CPB2: variants seen among roughly 807,000 people sequenced by gnomAD.
The protein encoded by CPB2 is carboxypeptidase B2.
CPB2 carries 54 observed loss-of-function variants against 57.0 expected under a neutral mutation model. The observed-to-expected ratio is 0.95, with a 90% CI of 0.76 to 1.19. The LOEUF is 1.19. CPB2 is among the 50% of genes most tolerant of loss of function. CPB2 has a pLI of 0.00. For synonymous variants in CPB2, 189 were observed against 178.1 expected, an observed-to-expected ratio of 1.06 and a Z score of -0.49; for missense variants, 426 against 512.0, an observed-to-expected ratio of 0.83 and a Z score of 1.62.
rs1593911361 is a variant in CPB2 at position 46,087,686 on chromosome 13, C to G, written c.150+59G>C. On this transcript the variant is annotated intron_variant, in intron 2 of 10. Coordinates refer to ENST00000181383, the MANE Select transcript of CPB2 (RefSeq NM_001872.5). ...GCCAGACAACATACAGGAGGAAACTCAACACCCAGTGCTTATACAAAGTGA... is the reference window on the plus strand; with the variant it reads ...GCCAGACAACATACAGGAGGAAACTGAACACCCAGTGCTTATACAAAGTGA... 4 of 1,162,708 alleles carry G rather than the reference C, an allele frequency of 3.4e-6. No individual in the cohort carries two copies. The East Asian group carries it at 7.0e-5, about 20-fold the overall frequency. 72.0% of individuals were successfully genotyped at this position (1,162,708 alleles called of 1,614,324 possible).
chr13:46,078,821 C>G lies in CPB2; in HGVS notation c.465G>C (p.Lys155Asn), dbSNP rs1200607683. 1.9e-6 allele frequency: 3 copies of G among 1,608,538 alleles called. No homozygotes were observed. The East Asian group carries it at 6.7e-5, about 36-fold the overall frequency. ...TKIHIGSSFE[K>N]YPLYVLKVSG... Reference sequence around the variant, plus strand: ...ATACCTTTAAAACATAGAGTGGGTACTTCTCAAATGAGGATCCAATGTGGA... The same window carrying G: ...ATACCTTTAAAACATAGAGTGGGTAGTTCTCAAATGAGGATCCAATGTGGA... The change falls in exon 5 of 11, where the codon AAG (lysine) becomes AAC (asparagine). Residue 155 changes from lysine to asparagine, a missense_variant. Lys to Asn is a moderately conservative substitution (Grantham distance 94). Coordinates refer to ENST00000181383, the MANE Select transcript of CPB2 (RefSeq NM_001872.5).
chr13:46,104,509 C>T (rs565201856), intron 1 of CPB2, among the ~76,000 whole-genome samples: 1 of 152,166 alleles, frequency 6.6e-6, no homozygotes, highest in Non-Finnish European at 1.5e-5. Flanking sequence ...TGATCCAAAC[C>T]TCCTATTTAA....
At chr13:46,082,678 A>G (rs770318239) in intron 3 of CPB2, 129 bp from the exon 4 acceptor site, 28 of 556,886 alleles carry the variant, frequency 5.0e-5, no homozygotes, top group Non-Finnish European at 9.1e-5. Context: ...GCATTTCATC[A>G]AGGTAAAAGT....
intron 1 of CPB2, chr13:46,100,383 C>G (rs925310272): frequency 3.3e-5 from 5 of 152,132 alleles, no homozygotes; most frequent in African/African-American, 1.2e-4. Flanking sequence ...AGTCAGATCA[C>G]TCTATTTTTG....
intron 10 of CPB2, among the ~76,000 whole-genome samples, chr13:46,054,862 T>TTTTTTTTTTTTTTTTTTTTGAGACG (rs2044675207): frequency 6.6e-6 from 1 of 150,808 alleles, no homozygotes; most frequent in Admixed American, 6.6e-5. Context: ...GTAATTCTTA[T>TTTTTTTTTTTTTTTTTTTTGAGACG]GCATTAGCCA....
At chr13:46,085,831 C>T (rs1249158711) in intron 2 of CPB2, among the ~76,000 whole-genome samples, 2 of 152,190 alleles carry the variant, frequency 1.3e-5, no homozygotes, top group Admixed American at 1.3e-4. Context: ...TGGTCAGTGG[C>T]GCCTTTGCCT....
chr13:46,086,682 A>G (rs2045211402), intron 2 of CPB2, among the ~76,000 whole-genome samples: 1 of 152,032 alleles, frequency 6.6e-6, no homozygotes, highest in Admixed American at 6.5e-5. Flanking sequence ...TTCACCAGGG[A>G]CCCGCCCTTT....
chr13:46,093,660 G>T (rs1165084788), intron 1 of CPB2, among the ~76,000 whole-genome samples: 1 of 152,062 alleles, frequency 6.6e-6, no homozygotes, highest in Non-Finnish European at 1.5e-5. Context: ...GAAAGATAAA[G>T]AAAAATTATA....
rs1341103329 is a variant in CPB2 at position 46,053,401 on chromosome 13, C to T, written c.*213G>A. The T allele has an allele frequency of 1.6e-6, 1 of 620,256 alleles. No homozygotes were observed. Among genetic ancestry groups the T allele is most frequent in the Non-Finnish European group, 2.4e-6 (1 of 420,886 alleles). The allele number at this position is 620,256 out of a possible 1,614,324, so 38.4% of individuals were successfully genotyped here. ...ATCAAAGAAAAAGTAGGTAACTAGA[C>T]TTTTACAATTTTTTTTAAAGGGTAA... On this transcript the variant is annotated 3_prime_UTR_variant, in exon 11 of 11. Transcript: ENST00000181383.
chr13:46,064,737 C>G lies in CPB2; in HGVS notation c.707G>C (p.Arg236Pro). 6.2e-7 allele frequency: 1 copy of G among 1,613,616 alleles called. No individual in the cohort carries two copies. Among genetic ancestry groups the G allele is most frequent in the Non-Finnish European group, 8.5e-7 (1 of 1,179,596 alleles). ...GAAAGAACGGTTCTTTCTCCACATT[C>G]GATTCTACATAAACAAAATACAAAC... ...DGYDYSWKKN[R>P]MWRKNRSFYA... is the part of the protein sequence containing the mutation. The change falls in exon 8 of 11, where the codon CGA becomes CCA. Residue 236 changes from arginine to proline, a missense_variant. By Grantham distance (103) the Arg-to-Pro change is moderately radical (BLOSUM62 -2). Coordinates refer to ENST00000181383, the MANE Select transcript of CPB2 (RefSeq NM_001872.5).
intron 8 of CPB2, among the ~76,000 whole-genome samples, chr13:46,061,948 G>A (rs932979056): frequency 2.6e-5 from 4 of 151,382 alleles, no homozygotes; most frequent in Admixed American, 2.0e-4. Context: ...CTTTCTCACT[G>A]TCTTGCTTAC....
intron 1 of CPB2, among the ~76,000 whole-genome samples, chr13:46,101,573 C>G (rs570391971): frequency 5.4e-4 from 82 of 152,114 alleles, no homozygotes; most frequent in Non-Finnish European, 1.1e-3. Context: ...CAATGGGAGA[C>G]AAAAACTAAA....
intron 1 of CPB2, chr13:46,098,448 A>T (rs1367329052): frequency 6.6e-6 from 1 of 152,214 alleles, no homozygotes; most frequent in Non-Finnish European, 1.5e-5. Context: ...AGCTTATTTT[A>T]TGAAGAAAAT....
At position 46,085,585 on chromosome 13, in the gene CPB2, CCAAA is replaced by C. The variant is rs2045190623; in HGVS notation, c.151-1246_151-1243del. On this transcript the variant is annotated intron_variant, in intron 2 of 10. Coordinates refer to ENST00000181383, the MANE Select transcript of CPB2 (RefSeq NM_001872.5). ...GACCTGCCCTATAGTCTGAGATTCT[CCAAA>C]CAAAATTCCCCTTTCTGCAGAGGTG... 2.6e-5 allele frequency among the ~76,000 whole-genome samples: 4 copies of C among 152,136 alleles called. No individual in the cohort carries two copies. In the South Asian group the frequency reaches 8.3e-4, roughly 32 times the overall value.
chr13:46,092,229 A>G (rs1035454851), intron 1 of CPB2, among the ~76,000 whole-genome samples: 7 of 152,326 alleles, frequency 4.6e-5, no homozygotes, highest in South Asian at 2.1e-4. Context: ...ATGGAACAAC[A>G]GCACTCAAGA....
intron 1 of CPB2, among the ~76,000 whole-genome samples, chr13:46,101,819 C>T (rs1452385406): frequency 6.6e-6 from 1 of 152,180 alleles, no homozygotes; most frequent in Non-Finnish European, 1.5e-5. Context: ...CTTTTAATAC[C>T]TATGCAACAC....
chr13:46,058,955 C>T (rs2044733995), intron 8 of CPB2, among the ~76,000 whole-genome samples: 1 of 152,204 alleles, frequency 6.6e-6, no homozygotes, highest in African/African-American at 2.4e-5. Flanking sequence ...GGTAGGCTGC[C>T]TTCCAACACT....
intron 4 of CPB2, among the ~76,000 whole-genome samples, chr13:46,079,897 C>G (rs2045085633): frequency 6.6e-6 from 1 of 152,278 alleles, no homozygotes; most frequent in Middle Eastern, 3.4e-3. Context: ...GGGCTCCTGC[C>G]CACCTGCCAC....
chr13:46,090,826 C>T (rs1181808342), intron 1 of CPB2, among the ~76,000 whole-genome samples: 4 of 151,136 alleles, frequency 2.6e-5, no homozygotes, highest in South Asian at 2.1e-4. Flanking sequence ...CTGGTTCAAG[C>T]GATTTTCCTG....
Sources: allele counts gnomAD v4.1 joint callset (sites outside exome capture counted in the v4.1 genomes callset), GRCh38; gene constraint gnomAD v4.1.1; transcripts MANE v1.5; gene names NCBI Gene and HGNC (gene_info 2026-07-23, HGNC 2026-07-21).